The following DCC variants were observed in gnomAD, a reference collection of about 807,000 sequenced individuals.
DCC encodes DCC netrin 1 receptor, also known as netrin receptor DCC.
DCC carries 58 observed loss-of-function variants against 172.5 expected under a neutral mutation model. The ratio of observed to expected loss-of-function variants is 0.34; its 90% CI spans 0.27 to 0.42. The LOEUF is 0.42. Among genes scored for constraint, DCC ranks in the 10% least tolerant of loss-of-function variants. The pLI is 1.00. For synonymous variants in DCC, 709 were observed against 644.5 expected (o/e 1.10, Z -1.52); for missense variants, 1,740 against 1,791.0 (o/e 0.97, Z 0.51).
chr18:52,439,020 A>G (rs1381194672), intron 1 of DCC, among the ~76,000 whole-genome samples: 2 of 152,166 alleles, frequency 1.3e-5, no homozygotes, highest in East Asian at 1.9e-4. Context: ...AATTTTCTCT[A>G]TACTTACTGA....
intron 5 of DCC, among the ~76,000 whole-genome samples, chr18:53,017,011 T>C (rs760687406): frequency 1.3e-5 from 2 of 152,038 alleles, no homozygotes; most frequent in Non-Finnish European, 2.9e-5. Flanking sequence ...TTGAAGTTCT[T>C]ACTCACTTTA....
At chr18:53,510,698 G>A (rs761753872) in intron 27 of DCC, among the ~76,000 whole-genome samples, 2 of 152,188 alleles carry the variant, frequency 1.3e-5, no homozygotes, top group Non-Finnish European at 2.9e-5. Flanking sequence ...ATGATACTGT[G>A]ATGTTTATAT....
chr18:53,428,770 T>TATATATTTTATATATAATAAATTATATAC (rs1911325280), intron 21 of DCC, among the ~76,000 whole-genome samples: 3 of 48,066 alleles, frequency 6.2e-5, no homozygotes, highest in African/African-American at 2.4e-4. Flanking sequence ...AAATTATATA[T>TATATATTTTATATATAATAAATTATATAC]TATATATTTT....
chr18:52,771,989 T>C (rs2037352628), intron 2 of DCC, among the ~76,000 whole-genome samples: 1 of 152,170 alleles, frequency 6.6e-6, no homozygotes, highest in Non-Finnish European at 1.5e-5. Context: ...AATATGTCTA[T>C]GGTTTCATGT....
chr18:53,200,428 T>A (rs2055518904), intron 9 of DCC, among the ~76,000 whole-genome samples: 1 of 152,194 alleles, frequency 6.6e-6, no homozygotes, highest in East Asian at 1.9e-4. Context: ...GTATATAAAA[T>A]CACTCATTTG....
At chr18:52,371,304 G>C (rs2144298179) in intron 1 of DCC, among the ~76,000 whole-genome samples, 1 of 152,208 alleles carries the variant, frequency 6.6e-6, no homozygotes, top group Non-Finnish European at 1.5e-5. Context: ...ATACAATCTG[G>C]GAAATACCAA....
At chr18:52,519,102 T>C (rs2031730156) in intron 1 of DCC, among the ~76,000 whole-genome samples, 1 of 152,250 alleles carries the variant, frequency 6.6e-6, no homozygotes, top group South Asian at 2.1e-4. Context: ...TCTTTCTGAA[T>C]GACAACTTTT....
chr18:53,240,081 A>T (rs2056270883), intron 12 of DCC, among the ~76,000 whole-genome samples: 1 of 150,858 alleles, frequency 6.6e-6, no homozygotes, highest in Non-Finnish European at 1.5e-5. Flanking sequence ...AATGTGTAAT[A>T]TGCAATCAAA....
At chr18:53,111,011 A>G (rs565012529) in intron 7 of DCC, among the ~76,000 whole-genome samples, 23 of 131,184 alleles carry the variant, frequency 1.8e-4, no homozygotes, top group African/African-American at 1.2e-4. Context: ...AATGTCCAAC[A>G]ATGATAGACT....
At chr18:52,752,436 G>A in intron 2 of DCC, 62 bp downstream of exon 2, 2 of 1,304,014 alleles carry the variant, frequency 1.5e-6, no homozygotes, top group Non-Finnish European at 2.2e-6. Flanking sequence ...TTCATTTTTG[G>A]GGATGAGAAA....
intron 2 of DCC, among the ~76,000 whole-genome samples, chr18:52,869,483 C>G (rs2039283083): frequency 6.6e-6 from 1 of 152,208 alleles, no homozygotes; most frequent in South Asian, 2.1e-4. Flanking sequence ...CCACAAGTTT[C>G]CACTCTGGTC....
At chr18:53,190,694 C>T (rs561086329) in intron 9 of DCC, among the ~76,000 whole-genome samples, 2 of 152,154 alleles carry the variant, frequency 1.3e-5, no homozygotes, top group Non-Finnish European at 2.9e-5. Flanking sequence ...CGCCTGTAAT[C>T]CCAGCACTTT....
chr18:53,476,842 C>T (rs1172205867), intron 25 of DCC, among the ~76,000 whole-genome samples: 1 of 152,052 alleles, frequency 6.6e-6, no homozygotes, highest in African/African-American at 2.4e-5. Flanking sequence ...AGCATATTCT[C>T]AATTTTCCCT....
chr18:53,391,398 C>A (rs957597327), intron 16 of DCC, among the ~76,000 whole-genome samples: 4 of 152,092 alleles, frequency 2.6e-5, no homozygotes, highest in Non-Finnish European at 1.5e-5. Flanking sequence ...AAGTGACAGT[C>A]AAATTGATAA....
chr18:52,668,065 A>T (rs1044405853), intron 1 of DCC, among the ~76,000 whole-genome samples: 1 of 152,020 alleles, frequency 6.6e-6, no homozygotes, highest in African/African-American at 2.4e-5. Flanking sequence ...CAACAAAAAA[A>T]AACAGTGAGT....
At chr18:52,410,784 A>G (rs1325184295) in intron 1 of DCC, among the ~76,000 whole-genome samples, 1 of 152,138 alleles carries the variant, frequency 6.6e-6, no homozygotes, top group Non-Finnish European at 1.5e-5. Flanking sequence ...AACATTATTC[A>G]GTGGTAACAT....
intron 7 of DCC, among the ~76,000 whole-genome samples, chr18:53,147,847 G>A (rs909477854): frequency 6.6e-6 from 1 of 152,070 alleles, no homozygotes; most frequent in African/African-American, 2.4e-5. Context: ...AGTCCTATAG[G>A]GAGAGTTGGA....
At chr18:53,304,006 TCTC>T (rs1344266141) in intron 12 of DCC, among the ~76,000 whole-genome samples, 1 of 152,050 alleles carries the variant, frequency 6.6e-6, no homozygotes. Context: ...CCATGGCTGA[TCTC>T]CTACCCGACT....
intron 1 of DCC, among the ~76,000 whole-genome samples, chr18:52,399,634 A>C (rs978386740): frequency 6.6e-6 from 1 of 151,940 alleles, no homozygotes; most frequent in East Asian, 1.9e-4. Context: ...GGCCCACCTC[A>C]GTGTCAAACT....
Sources: allele counts gnomAD v4.1 joint callset (sites outside exome capture counted in the v4.1 genomes callset), GRCh38; gene constraint gnomAD v4.1.1; transcripts MANE v1.5; gene names NCBI Gene and HGNC (gene_info 2026-07-23, HGNC 2026-07-21).